The following PTPRR variants were observed in gnomAD, a reference collection of about 807,000 sequenced individuals.
PTPRR encodes protein tyrosine phosphatase receptor type R, also known as receptor-type tyrosine-protein phosphatase R.
In PTPRR, 38 loss-of-function variants were observed where a neutral mutation model predicts 77.2. The observed-to-expected ratio is 0.49, with a 90% CI of 0.38 to 0.65. PTPRR has a LOEUF of 0.65. PTPRR is among the 30% of genes least tolerant of loss of function. PTPRR has a pLI of 0.00. For synonymous variants in PTPRR, 299 were observed against 283.1 expected, an observed-to-expected ratio of 1.06 and a Z score of -0.57; for missense variants, 744 against 799.2, an observed-to-expected ratio of 0.93 and a Z score of 0.83.
rs376737438 is a variant in PTPRR at position 70,707,927 on chromosome 12, C to G, written c.1008-6604G>C. Among the ~76,000 whole-genome samples, 19 of 152,138 alleles carry G rather than the reference C, an allele frequency of 1.2e-4. No homozygotes were observed. In the East Asian group the frequency reaches 3.3e-3, roughly 26 times the overall value. On this transcript the variant is annotated intron_variant, in intron 6 of 13. Transcript: ENST00000283228. ...GCTACCCTTTTGACGTAAGATGCTT[C>G]CTAATCTATCTACTGTGTATTTCTC...
intron 2 of PTPRR, among the ~76,000 whole-genome samples, chr12:70,829,990 A>T (rs1402226465): frequency 6.6e-6 from 1 of 152,148 alleles, no homozygotes; most frequent in African/African-American, 2.4e-5. Flanking sequence ...GCTGAATATA[A>T]TGAAGCTAAA....
At chr12:70,877,218 C>A (rs1320021187) in intron 2 of PTPRR, among the ~76,000 whole-genome samples, 1 of 152,144 alleles carries the variant, frequency 6.6e-6, no homozygotes, top group Non-Finnish European at 1.5e-5. Context: ...TGATGCACAG[C>A]TCCAGGGAAT....
At chr12:70,678,150 C>G (rs573424468) in intron 10 of PTPRR, among the ~76,000 whole-genome samples, 1 of 152,102 alleles carries the variant, frequency 6.6e-6, no homozygotes, top group African/African-American at 2.4e-5. Flanking sequence ...AAGTGATTCT[C>G]CTGCCTCAGC....
intron 2 of PTPRR, among the ~76,000 whole-genome samples, chr12:70,806,867 A>G (rs1172059567): frequency 2.6e-5 from 4 of 152,108 alleles, no homozygotes; most frequent in Admixed American, 2.0e-4. Context: ...TAGTTGTTCT[A>G]TGTGGGGATA....
chr12:70,840,829 G>A (rs1355412940), intron 2 of PTPRR, among the ~76,000 whole-genome samples: 2 of 152,002 alleles, frequency 1.3e-5, no homozygotes, highest in African/African-American at 2.4e-5. Flanking sequence ...AAGATAAAGG[G>A]CATTCCAGAA....
intron 1 of PTPRR, among the ~76,000 whole-genome samples, chr12:70,896,375 A>C (rs1158382054): frequency 6.6e-6 from 1 of 151,670 alleles, no homozygotes; most frequent in Admixed American, 6.6e-5. Flanking sequence ...ACCATCAACC[A>C]ACTGGATTTA....
At chr12:70,804,910 T>C (rs1428202885) in intron 2 of PTPRR, among the ~76,000 whole-genome samples, 2 of 152,140 alleles carry the variant, frequency 1.3e-5, no homozygotes, top group Admixed American at 6.5e-5. Flanking sequence ...TTGTGAAAAT[T>C]TGAAAAAACA....
intron 10 of PTPRR, among the ~76,000 whole-genome samples, chr12:70,682,224 T>C (rs1346058750): frequency 9.3e-5 from 14 of 151,290 alleles, no homozygotes; most frequent in Non-Finnish European, 5.9e-5. Flanking sequence ...TTTGTATTTT[T>C]AGTAGAGACG....
intron 2 of PTPRR, among the ~76,000 whole-genome samples, chr12:70,786,953 G>T (rs1266914116): frequency 6.6e-6 from 1 of 152,180 alleles, no homozygotes; most frequent in African/African-American, 2.4e-5. Context: ...ATAAGTTTTA[G>T]CTAGTGTTTT....
chr12:70,772,835 G>C (rs1891008339), intron 2 of PTPRR, among the ~76,000 whole-genome samples: 1 of 152,056 alleles, frequency 6.6e-6, no homozygotes, highest in Admixed American at 6.6e-5. Flanking sequence ...AACACAATCA[G>C]TAACACTTTA....
intron 6 of PTPRR, among the ~76,000 whole-genome samples, chr12:70,737,525 T>G (rs145940634): frequency 1.8e-3 from 280 of 151,444 alleles, no homozygotes; most frequent in African/African-American, 6.6e-3. Context: ...TATCTATCTA[T>G]CTATCTATCT....
At chr12:70,871,235 T>G (rs973994148) in intron 2 of PTPRR, among the ~76,000 whole-genome samples, 1 of 152,116 alleles carries the variant, frequency 6.6e-6, no homozygotes, top group Admixed American at 6.6e-5. Flanking sequence ...CTCTGGCAAA[T>G]GGGTACTTGG....
chr12:70,747,180 CT>C (rs1890240151), intron 5 of PTPRR, among the ~76,000 whole-genome samples: 1 of 152,146 alleles, frequency 6.6e-6, no homozygotes, highest in Non-Finnish European at 1.5e-5. Flanking sequence ...CTCACTGCTT[CT>C]CTTCAGTTTC....
intron 2 of PTPRR, among the ~76,000 whole-genome samples, chr12:70,881,615 T>A (rs189339491): frequency 6.6e-6 from 1 of 152,346 alleles, no homozygotes; most frequent in Admixed American, 6.5e-5. Context: ...TTCTCTTGAC[T>A]TTGCTAGACT....
At chr12:70,888,081 C>T (rs145668763) in intron 2 of PTPRR, among the ~76,000 whole-genome samples, 2 of 151,852 alleles carry the variant, frequency 1.3e-5, no homozygotes, top group East Asian at 3.9e-4. Context: ...CTGCAGATCA[C>T]CATAACAAAA....
At position 70,765,763 on chromosome 12, in the gene PTPRR, C is replaced by G. The variant is rs189662385; in HGVS notation, c.358-985G>C. On this transcript the variant is annotated intron_variant, in intron 2 of 13. Coordinates refer to ENST00000283228, the MANE Select transcript of PTPRR (RefSeq NM_002849.4). ...AGCAGGCTAACTGGGAGGCACCCCCCCAGAAGGGGCAGACTGACACCTCAC... is the reference window on the plus strand; with the variant it reads ...AGCAGGCTAACTGGGAGGCACCCCCGCAGAAGGGGCAGACTGACACCTCAC... Among the ~76,000 whole-genome samples the G allele has an allele frequency of 3.1e-3, 473 of 152,310 alleles. 3 individuals are homozygous for G. Among genetic ancestry groups the G allele is most frequent in the Non-Finnish European group, 5.6e-3 (379 of 68,030 alleles).
At chr12:70,802,528 T>C (rs1891635861) in intron 2 of PTPRR, among the ~76,000 whole-genome samples, 1 of 152,240 alleles carries the variant, frequency 6.6e-6, no homozygotes, top group African/African-American at 2.4e-5. Flanking sequence ...GTTACACTTT[T>C]TGCAAACATC....
At chr12:70,898,020 A>G (rs1893463048) in intron 1 of PTPRR, among the ~76,000 whole-genome samples, 1 of 139,460 alleles carries the variant, frequency 7.2e-6, no homozygotes, top group Admixed American at 7.1e-5. Context: ...GGGGAGGGGG[A>G]AGGGATAACA....
chr12:70,657,655 C>T (rs1031307031), intron 12 of PTPRR, among the ~76,000 whole-genome samples: 3 of 152,160 alleles, frequency 2.0e-5, no homozygotes, highest in African/African-American at 7.2e-5. Flanking sequence ...TGCTTCAGTT[C>T]AATGTATCTA....
Sources: gnomAD v4.1 joint callset for allele counts (sites outside exome capture counted in the v4.1 genomes callset) on GRCh38, gnomAD v4.1.1 for gene constraint, MANE v1.5 for transcripts, NCBI Gene and HGNC (gene_info 2026-07-23, HGNC 2026-07-21) for gene names.